Variants in MYO15A observed in about 807,000 individuals in gnomAD.
The protein encoded by MYO15A is myosin XVA, also known as unconventional myosin-XV.
Under a neutral mutation model 394.6 loss-of-function variants are expected in MYO15A, and 308 were observed. The observed-to-expected ratio is 0.78, with a 90% CI of 0.71 to 0.86. The LOEUF is 0.86. MYO15A is among the 40% of genes least tolerant of loss of function. The probability of loss-of-function intolerance (pLI) is 0.00; values close to 1 mark genes in which losing one functional copy is unlikely to be tolerated. For synonymous variants in MYO15A, 1,957 were observed against 2,003.8 expected, an observed-to-expected ratio of 0.98 and a Z score of 0.62; for missense variants, 4,606 against 4,799.1, an observed-to-expected ratio of 0.96 and a Z score of 1.19.
chr17:18,120,657 C>G lies in MYO15A; in HGVS notation c.1857C>G (p.Pro619=), dbSNP rs771865217. The G allele has an allele frequency of 1.3e-6, 2 of 1,590,802 alleles. No homozygotes were observed. Among genetic ancestry groups the G allele is most frequent in the Non-Finnish European group, 1.7e-6 (2 of 1,173,004 alleles). The change falls in exon 2 of 66, where the codon CCC becomes CCG. Residue 619 remains proline (P), a synonymous_variant. Coordinates refer to ENST00000647165, the MANE Select transcript of MYO15A (RefSeq NM_016239.4). ...RFGYKLAGMD[P]EKPGTPIVLR... Reference sequence around the variant, plus strand: ...GCTACAAGCTGGCTGGCATGGACCCCGAGAAGCCCGGCACGCCCATCGTGC... The same window carrying G: ...GCTACAAGCTGGCTGGCATGGACCCGGAGAAGCCCGGCACGCCCATCGTGC...
intron 60 of MYO15A, chr17:18,164,961 GA>G (rs1301016121): frequency 6.6e-6 from 1 of 151,048 alleles, no homozygotes. Context: ...GCAACATGGA[GA>G]AACCACATCT....
Position 18,150,012 on chromosome 17 carries a change from G to A in MYO15A, c.7213-417G>A, listed in dbSNP as rs1021426508. ...CACCTTTGGTGGCAGCCAGCCCCCC[G>A]GGGCCACTAAAATATCTCTATCTGG... On this transcript the variant is annotated intron_variant, in intron 35 of 65. Coordinates refer to ENST00000647165, the MANE Select transcript of MYO15A (RefSeq NM_016239.4). This position sits in a 1 kb window ranked among gnomAD's most constrained non-coding sequence, Gnocchi z 4.4. The A allele has an allele frequency of 8.5e-5, 26 of 306,120 alleles. No individual in the cohort carries two copies. Among genetic ancestry groups the A allele is most frequent in the South Asian group, 4.5e-4 (12 of 26,714 alleles). 19.0% of individuals were successfully genotyped at this position (306,120 alleles called of 1,614,324 possible). A position where few individuals can be genotyped will look rare whatever the true frequency, so the allele number is the denominator to read the frequency against.
At chr17:18,151,369 G>A (rs1383289371) in intron 39 of MYO15A, 26 bp from the exon 40 acceptor site, 14 of 1,614,044 alleles carry the variant, frequency 8.7e-6, no homozygotes, top group Admixed American at 1.7e-5. Flanking sequence ...GCCTCACCCT[G>A]TTCCCACCGC....
At position 18,139,590 on chromosome 17, in the gene MYO15A, G is replaced by C. The variant is rs199873726; in HGVS notation, c.5190G>C (p.Leu1730=). ...HDQVRQDVLD[L]FVRSRTRVVA... ...AAGTGCGCCAGGATGTGCTGGACCT[G>C]TTCGTACGGAGCCGGACACGGGTAA... is the stretch of plus-strand genomic sequence containing the variant. Residue 1730 remains leucine, a synonymous_variant, in exon 19 of 66, where the codon CTG becomes CTC. Transcript: ENST00000647165. The C allele has an allele frequency of 2.2e-5, 36 of 1,614,060 alleles. 1 individual carries two copies. The Admixed American group carries it at 4.3e-4, about 19-fold the overall frequency.
rs1229451116 is a variant in MYO15A, at chr17:18,150,411, G to A, written c.7213-18G>A. 6.2e-7 allele frequency: 1 copy of A among 1,610,158 alleles called. No individual in the cohort carries two copies. Among genetic ancestry groups the A allele is most frequent in the East Asian group, 2.2e-5 (1 of 44,848 alleles). On this transcript the variant is annotated intron_variant, in intron 35 of 65. Transcript: ENST00000647165. The surrounding 1 kb of genome is among the most constrained non-coding windows in gnomAD (Gnocchi z 4.4). Reference sequence around the variant, plus strand: ...GTACAATAATGAGATGGTCACTTGAGCCACCCACTGCCCCCAGGACCTGGA... The same window carrying A: ...GTACAATAATGAGATGGTCACTTGAACCACCCACTGCCCCCAGGACCTGGA...
In MYO15A at chr17:18,141,641, G is replaced by A. The variant is rs750267837; in HGVS notation, c.5532-12G>A. The A allele has an allele frequency of 6.2e-7, 1 of 1,613,148 alleles. No individual in the cohort carries two copies. Among genetic ancestry groups the A allele is most frequent in the Non-Finnish European group, 8.5e-7 (1 of 1,179,374 alleles). ...TCTCATAGCCCCAGACTAACTTTGG[G>A]CCCCCTACCAGGTACTGCTGTCTAG... On this transcript the variant is annotated splice_polypyrimidine_tract_variant and intron_variant, in intron 22 of 65. Transcript: ENST00000647165.
At chr17:18,155,028 C>T (rs2046650963) in intron 45 of MYO15A, 82 bp from the exon 46 acceptor site, 1 of 1,345,484 alleles carries the variant, frequency 7.4e-7, no homozygotes, top group Non-Finnish European at 1.0e-6. Flanking sequence ...TGGGTATCAG[C>T]CACCTCCCTC....
chr17:18,131,655 T>A (rs2046169244), intron 10 of MYO15A, 124 bp downstream of exon 10: 2 of 1,179,472 alleles, frequency 1.7e-6, no homozygotes, highest in Admixed American at 3.9e-5. Flanking sequence ...CATGCGTACA[T>A]GTGTACATGT....
In MYO15A at chr17:18,155,404, G is replaced by A. The variant is rs181229675; in HGVS notation, c.8431G>A (p.Gly2811Arg). 2.2e-5 allele frequency: 35 copies of A among 1,613,438 alleles called. No homozygotes were observed. The East Asian group carries it at 4.0e-4, about 18-fold the overall frequency. Residue 2811 changes from glycine to arginine, a missense_variant, in exon 47 of 66, where the codon GGG becomes AGG. Gly to Arg is a moderately radical substitution (Grantham distance 125). Around this residue, in one of 2 missense-constraint regions of MYO15A, gnomAD observed 2,776 missense variants for 3,109.3 expected, o/e 0.89. Coordinates refer to ENST00000647165, the MANE Select transcript of MYO15A (RefSeq NM_016239.4). ...GGTCAAGGGTGGCCAGGAGGCCGGCGGGCAGCTGCGGGTCCTGCGTGCATA... is the reference window on the plus strand; with the variant it reads ...GGTCAAGGGTGGCCAGGAGGCCGGCAGGCAGCTGCGGGTCCTGCGTGCATA... ...RMVKGGQEAG[G>R]QLRVLRAYSF...
chr17:18,157,940 G>A, intron 51 of MYO15A, 40 bp downstream of exon 51: 2 of 1,431,542 alleles, frequency 1.4e-6, no homozygotes, highest in South Asian at 1.4e-5. Context: ...GGTAGACCAG[G>A]GGGAAGGGGC....
In MYO15A at chr17:18,132,388, A is replaced by C. The variant is rs531569758; in HGVS notation, c.4207-65A>C. ...CACTTGTGGGCAGGCTTGGGCTTGT[A>C]TGTGTGCCTGGGGGTCACCTAGGTA... is the stretch of plus-strand genomic sequence containing the variant. On this transcript the variant is annotated intron_variant, in intron 10 of 65. Transcript: ENST00000647165. The surrounding 1 kb of genome is among the most constrained non-coding windows in gnomAD (Gnocchi z 4.6). The C allele has an allele frequency of 2.9e-4, 372 of 1,293,352 alleles. No homozygotes were observed. The highest frequency in any genetic ancestry group is 3.8e-4 in the Non-Finnish European group (336 of 892,556). 80.1% of individuals were successfully genotyped at this position (1,293,352 alleles called of 1,614,324 possible). A position where few individuals can be genotyped will look rare whatever the true frequency, so the allele number is the denominator to read the frequency against.
At chr17:18,157,342 C>T in intron 50 of MYO15A, 112 bp downstream of exon 50, 1 of 1,418,706 alleles carries the variant, frequency 7.0e-7, no homozygotes, top group Non-Finnish European at 9.7e-7. Flanking sequence ...CTGGGCTGGT[C>T]AGGTCTCCTA....
At chr17:18,140,272 A>C (rs949303803) in intron 19 of MYO15A, among the ~76,000 whole-genome samples, 1 of 152,202 alleles carries the variant, frequency 6.6e-6, no homozygotes, top group Non-Finnish European at 1.5e-5. Context: ...CACAGTCAGT[A>C]ACTGTGTGTT....
At position 18,119,910 on chromosome 17, in the gene MYO15A, T is replaced by A; in HGVS notation, c.1110T>A (p.Asp370Glu). The change falls in exon 2 of 66, where the codon GAT becomes GAA. Residue 370 changes from aspartate (D) to glutamate (E), a missense_variant. Physicochemically the swap from Asp to Glu is conservative, Grantham distance 45. Coordinates refer to ENST00000647165, the MANE Select transcript of MYO15A (RefSeq NM_016239.4). ...CTCCCTACGATGTACCCTACTTTGA[T>A]CCCTACGGAGTCCACTACACCGTCC... is the stretch of plus-strand genomic sequence containing the variant. The part of the protein sequence containing the change: ...YHTPYDVPYF[D>E]PYGVHYTVPY... The A allele has an allele frequency of 1.2e-6, 2 of 1,613,396 alleles. No individual in the cohort carries two copies. Among genetic ancestry groups the A allele is most frequent in the Non-Finnish European group, 1.7e-6 (2 of 1,179,994 alleles).
At chr17:18,154,620 A>G (rs970363960) in intron 44 of MYO15A, 60 bp from the exon 45 acceptor site, 73 of 1,570,092 alleles carry the variant, frequency 4.6e-5, no homozygotes, top group Non-Finnish European at 6.3e-5. Context: ...AGTATAGTCC[A>G]GCCTGGGTCC....
In MYO15A at chr17:18,151,877, C is replaced by T. The variant is rs530891865; in HGVS notation, c.7819C>T (p.Pro2607Ser). The T allele has an allele frequency of 8.9e-6, 14 of 1,578,394 alleles. No homozygotes were observed. In the Admixed American group the frequency reaches 2.1e-4, roughly 23 times the overall value. ...TGGCGGGAAAGTGTTCATGAAGCGG[C>T]CAGACCCTCATGAGGAGGCCCTGAT... ...KDGGKVFMKR[P>S]DPHEEALMIL... is the part of the protein sequence containing the mutation. Residue 2607 changes from proline to serine, a missense_variant, in exon 41 of 66, where the codon CCA becomes TCA. By Grantham distance (74) the Pro-to-Ser change is moderately conservative (BLOSUM62 -1). Coordinates refer to ENST00000647165, the MANE Select transcript of MYO15A (RefSeq NM_016239.4).
Position 18,142,251 on chromosome 17 carries a change from CCAGGTGAGGCA to C in MYO15A, c.5825+1_5825+11del. The C allele has an allele frequency of 6.2e-7, 1 of 1,611,904 alleles. No individual in the cohort carries two copies. The highest frequency in any genetic ancestry group is 8.5e-7 in the Non-Finnish European group (1 of 1,179,626). On this transcript the variant is annotated splice_donor_variant and splice_donor_5th_base_variant and coding_sequence_variant and intron_variant, in exon 24 of 66. Coordinates refer to ENST00000647165, the MANE Select transcript of MYO15A (RefSeq NM_016239.4). LOFTEE classifies it high-confidence loss of function. ...CAAAGCCGGGCCCGTGGCTACCTTG[CCAGGTGAGGCA>C]CAGAAAAGGCAGGATTCCTAGGAGA... is the stretch of plus-strand genomic sequence containing the variant.
Position 18,158,655 on chromosome 17 carries a change from C to T in MYO15A, c.9083+17C>T. 6.2e-7 allele frequency: 1 copy of T among 1,611,512 alleles called. No homozygotes were observed. Among genetic ancestry groups the T allele is most frequent in the Non-Finnish European group, 8.5e-7 (1 of 1,177,608 alleles). On this transcript the variant is annotated intron_variant, in intron 52 of 65. Coordinates refer to ENST00000647165, the MANE Select transcript of MYO15A (RefSeq NM_016239.4). ...GAGACCCCAGTGAGTGGCGGCCCCA[C>T]CCCTCTTCCCACAGTGGGAGGGTGC...
chr17:18,127,012 G>C (rs2046057186), intron 6 of MYO15A, 63 bp from the exon 7 acceptor site: 1 of 1,606,222 alleles, frequency 6.2e-7, no homozygotes, highest in African/African-American at 1.3e-5. Flanking sequence ...CATGATGGGA[G>C]TCAGGGTGCC....
Sources: allele counts gnomAD v4.1 joint callset (sites outside exome capture counted in the v4.1 genomes callset), GRCh38; gene constraint gnomAD v4.1.1; regional missense constraint gnomAD v4.1.1; non-coding constraint Gnocchi (gnomAD v3.1); transcripts MANE v1.5; gene names NCBI Gene and HGNC (gene_info 2026-07-23, HGNC 2026-07-21).